ANK3: variants seen among roughly 807,000 people sequenced by gnomAD.
ANK3 encodes the protein ankyrin-3.
A neutral mutation model predicts 370.9 loss-of-function variants in ANK3; 57 were observed. The observed-to-expected ratio is 0.15, with a 90% CI of 0.12 to 0.19. The LOEUF is 0.19. ANK3 is among the 10% of genes least tolerant of loss of function. The pLI is 1.00. For missense variants in ANK3, 4,439 were observed against 5,302.1 expected (o/e 0.84, Z 5.06); for synonymous variants, 1,929 against 1,946.3 (o/e 0.99, Z 0.23).
At chr10:60,341,307 G>A (rs1031245577) in intron 1 of ANK3, among the ~76,000 whole-genome samples, 5 of 152,102 alleles carry the variant, frequency 3.3e-5, no homozygotes, top group Non-Finnish European at 5.9e-5. Context: ...CTTTATAAGA[G>A]CTCATGTATC....
At chr10:60,565,328 C>A (rs1437629121) in intron 2 of ANK3, among the ~76,000 whole-genome samples, 1 of 152,196 alleles carries the variant, frequency 6.6e-6, no homozygotes, top group African/African-American at 2.4e-5. Context: ...AGGGTTCACA[C>A]TCCTCTGAGA....
intron 2 of ANK3, among the ~76,000 whole-genome samples, chr10:60,461,259 C>A (rs537568001): frequency 1.6e-4 from 24 of 152,232 alleles, no homozygotes; most frequent in African/African-American, 5.8e-4. Context: ...TTTCTCAAAC[C>A]TAAACCACAA....
chr10:60,044,369 AT>A, intron 42 of ANK3: 3 of 970,008 alleles, frequency 3.1e-6, no homozygotes, highest in Non-Finnish European at 3.7e-6. Flanking sequence ...TGGCATAAAG[AT>A]TAGCAACATA....
At chr10:60,648,832 A>G (rs2078747962) in intron 1 of ANK3, among the ~76,000 whole-genome samples, 1 of 146,616 alleles carries the variant, frequency 6.8e-6, no homozygotes, top group Non-Finnish European at 1.5e-5. Flanking sequence ...CCCACCCCAG[A>G]TACACCCCTT....
intron 2 of ANK3, among the ~76,000 whole-genome samples, chr10:60,430,543 T>C (rs2063993879): frequency 6.6e-6 from 1 of 152,236 alleles, no homozygotes; most frequent in East Asian, 1.9e-4. Context: ...ACTATTAAGA[T>C]TGAAAGGGGG....
intron 1 of ANK3, among the ~76,000 whole-genome samples, chr10:60,647,691 T>C (rs1249888037): frequency 6.6e-6 from 1 of 151,918 alleles, no homozygotes; most frequent in Non-Finnish European, 1.5e-5. Context: ...CTATCTATAA[T>C]GCTGTTCATA....
chr10:60,540,440 G>A (rs529146000), intron 2 of ANK3, among the ~76,000 whole-genome samples: 101 of 151,914 alleles, frequency 6.6e-4, no homozygotes, highest in Non-Finnish European at 1.2e-3. Flanking sequence ...CCCTTCTTTG[G>A]TGTAAAGTAA....
chr10:60,539,727 C>T (rs2076804244), intron 2 of ANK3, among the ~76,000 whole-genome samples: 1 of 151,890 alleles, frequency 6.6e-6, no homozygotes, highest in Non-Finnish European at 1.5e-5. Flanking sequence ...CCACTAAAGT[C>T]CCAAGAGACA....
intron 1 of ANK3, among the ~76,000 whole-genome samples, chr10:60,671,282 G>T (rs1393716186): frequency 6.6e-6 from 1 of 151,842 alleles, no homozygotes; most frequent in Non-Finnish European, 1.5e-5. Flanking sequence ...AGTCACCTTG[G>T]CCTCCTCTGG....
rs114840935 is a variant in ANK3, at chr10:60,643,429, C to T, written c.58-28205G>A. Reference sequence around the variant, plus strand: ...GAAACTCGGACTGGCTCTACTTGCTCCACAAGCTTGCAGACAGCCTATTGT... The same window carrying T: ...GAAACTCGGACTGGCTCTACTTGCTTCACAAGCTTGCAGACAGCCTATTGT... On this transcript the variant is annotated intron_variant, in intron 1 of 43. Transcript: ENST00000373827. Among the ~76,000 whole-genome samples, 309 of 152,216 alleles carry T rather than the reference C, an allele frequency of 2.0e-3. 1 individual carries two copies. The highest frequency in any genetic ancestry group is 7.0e-3 in the African/African-American group (291 of 41,528).
At chr10:60,687,531 A>ACACACACACAC (rs111633246) in intron 1 of ANK3, among the ~76,000 whole-genome samples, 121 of 121,124 alleles carry the variant, frequency 1.0e-3, no homozygotes, top group Middle Eastern at 8.7e-3. Context: ...CTGGTATAAA[A>ACACACACACAC]AAAAACACAC....
At chr10:60,300,500 T>C (rs958328478) in intron 1 of ANK3, 1 of 1,248,842 alleles carries the variant, frequency 8.0e-7, no homozygotes, top group South Asian at 1.4e-5. Context: ...AGCAACTAAC[T>C]AGAGTATTTA....
At chr10:60,514,262 G>T (rs2133168615) in intron 2 of ANK3, among the ~76,000 whole-genome samples, 1 of 152,234 alleles carries the variant, frequency 6.6e-6, no homozygotes, top group East Asian at 1.9e-4. Flanking sequence ...TTACTGTGCA[G>T]GGGGTCAGTG....
At chr10:60,454,428 A>G (rs1399119019) in intron 2 of ANK3, among the ~76,000 whole-genome samples, 1 of 152,130 alleles carries the variant, frequency 6.6e-6, no homozygotes, top group Non-Finnish European at 1.5e-5. Flanking sequence ...ATGCCAGCCC[A>G]GCCTCTTAGA....
intron 2 of ANK3, among the ~76,000 whole-genome samples, chr10:60,410,973 C>T (rs1033113746): frequency 2.0e-5 from 3 of 152,122 alleles, no homozygotes; most frequent in African/African-American, 7.2e-5. Flanking sequence ...TGTACCTGGC[C>T]TCTCCCATCC....
intron 1 of ANK3, among the ~76,000 whole-genome samples, chr10:60,388,351 T>C (rs186902047): frequency 6.6e-5 from 10 of 152,280 alleles, no homozygotes; most frequent in Non-Finnish European, 4.4e-5. Flanking sequence ...ACCAGGAATA[T>C]TCATGGTCAC....
chr10:60,717,144 C>T (rs1238997243), intron 1 of ANK3, among the ~76,000 whole-genome samples: 1 of 152,102 alleles, frequency 6.6e-6, no homozygotes, highest in African/African-American at 2.4e-5. Context: ...TCACCAATCA[C>T]CCTGGCAAAG....
intron 2 of ANK3, among the ~76,000 whole-genome samples, chr10:60,522,398 G>C (rs2076369084): frequency 6.9e-6 from 1 of 145,766 alleles, no homozygotes; most frequent in Non-Finnish European, 1.5e-5. Flanking sequence ...ATTTCTGCTT[G>C]GAACATGGCC....
intron 16 of ANK3, among the ~76,000 whole-genome samples, chr10:60,195,541 A>T (rs962527457): frequency 6.6e-6 from 1 of 152,152 alleles, no homozygotes; most frequent in Non-Finnish European, 1.5e-5. Flanking sequence ...TAGGAAGCTT[A>T]TTAAACCAAT....
Sources: allele counts gnomAD v4.1 joint callset (sites outside exome capture counted in the v4.1 genomes callset), GRCh38; gene constraint gnomAD v4.1.1; transcripts MANE v1.5; gene names NCBI Gene and HGNC (gene_info 2026-07-23, HGNC 2026-07-21).